RIMS2: variants seen among roughly 807,000 people sequenced by gnomAD.
RIMS2 encodes regulating synaptic membrane exocytosis 2.
A neutral mutation model predicts 174.4 loss-of-function variants in RIMS2; 59 were observed. That is an observed-to-expected ratio of 0.34 (90% CI 0.27 to 0.42). The LOEUF is 0.42. RIMS2 is among the 10% of genes least tolerant of loss of function. RIMS2 has a pLI of 1.00. For missense variants in RIMS2, 1,620 were observed against 1,666.3 expected, an observed-to-expected ratio of 0.97 and a Z score of 0.48; for synonymous variants, 606 against 572.5, an observed-to-expected ratio of 1.06 and a Z score of -0.84.
chr8:104,207,647 A>AAC (rs2099086693), intron 19 of RIMS2, among the ~76,000 whole-genome samples: 1 of 151,596 alleles, frequency 6.6e-6, no homozygotes, highest in Non-Finnish European at 1.5e-5. Context: ...CTCTACTAAA[A>AAC]ACACACACAC....
intron 17 of RIMS2, among the ~76,000 whole-genome samples, chr8:103,999,847 G>T (rs2095307050): frequency 6.6e-6 from 1 of 151,556 alleles, no homozygotes; most frequent in South Asian, 2.1e-4. Flanking sequence ...CTCAACTTCG[G>T]CCTAATTGGC....
chr8:103,778,037 T>C (rs367859486), intron 3 of RIMS2, among the ~76,000 whole-genome samples: 2 of 151,992 alleles, frequency 1.3e-5, no homozygotes, highest in East Asian at 3.8e-4. Flanking sequence ...TTGCTATGAC[T>C]TTGACATTTT....
chr8:103,693,726 G>A (rs555944253), intron 1 of RIMS2, among the ~76,000 whole-genome samples: 1 of 152,280 alleles, frequency 6.6e-6, no homozygotes, highest in Admixed American at 6.5e-5. Context: ...CAGCAGGTGT[G>A]TGTCCCTGGC....
intron 1 of RIMS2, among the ~76,000 whole-genome samples, chr8:103,600,595 G>A (rs1247200416): frequency 6.6e-6 from 1 of 152,146 alleles, no homozygotes; most frequent in Admixed American, 6.5e-5. Flanking sequence ...CCATTCATCT[G>A]TTGATGGATG....
intron 1 of RIMS2, among the ~76,000 whole-genome samples, chr8:103,674,530 C>G (rs1441554452): frequency 2.0e-5 from 3 of 151,472 alleles, no homozygotes; most frequent in Non-Finnish European, 2.9e-5. Context: ...TTTGAAGCAA[C>G]CTTTAAGTAA....
At chr8:103,909,236 T>C (rs929274502) in intron 4 of RIMS2, among the ~76,000 whole-genome samples, 3 of 152,092 alleles carry the variant, frequency 2.0e-5, no homozygotes, top group Admixed American at 2.0e-4. Flanking sequence ...TGGAAGGTGT[T>C]CAGTATTTTT....
intron 19 of RIMS2, among the ~76,000 whole-genome samples, chr8:104,092,857 T>C (rs566660873): frequency 1.3e-5 from 2 of 152,092 alleles, no homozygotes; most frequent in African/African-American, 4.8e-5. Flanking sequence ...TACCAGAATA[T>C]TTGAACACCC....
chr8:104,027,594 A>T (rs1244301309), intron 19 of RIMS2, among the ~76,000 whole-genome samples: 1 of 152,186 alleles, frequency 6.6e-6, no homozygotes, highest in Non-Finnish European at 1.5e-5. Flanking sequence ...GAAAGAGTGT[A>T]GTTCTTGAAA....
At chr8:103,985,045 T>A (rs1221268442) in intron 16 of RIMS2, among the ~76,000 whole-genome samples, 9 of 152,104 alleles carry the variant, frequency 5.9e-5, no homozygotes, top group Non-Finnish European at 1.2e-4. Context: ...CTGGGATGGG[T>A]CGCAGTGGGT....
chr8:103,787,492 G>T (rs1174102626), intron 3 of RIMS2, among the ~76,000 whole-genome samples: 1 of 151,064 alleles, frequency 6.6e-6, no homozygotes, highest in African/African-American at 2.4e-5. Context: ...CTCAGCATTT[G>T]CTTGTCTGTA....
chr8:103,651,241 C>T (rs1386537478), intron 1 of RIMS2, among the ~76,000 whole-genome samples: 20 of 152,238 alleles, frequency 1.3e-4, no homozygotes, highest in Admixed American at 1.3e-3. Flanking sequence ...GGCTATCGCC[C>T]TACCCTGCTT....
intron 1 of RIMS2, among the ~76,000 whole-genome samples, chr8:103,533,661 C>CAAAAAA (rs34355378): frequency 7.5e-4 from 48 of 64,342 alleles, no homozygotes; most frequent in East Asian, 2.2e-3. Flanking sequence ...GACCCTGTCT[C>CAAAAAA]AAAAAAAAAA....
intron 19 of RIMS2, among the ~76,000 whole-genome samples, chr8:104,141,857 T>C (rs1172949983): frequency 6.6e-6 from 1 of 152,198 alleles, no homozygotes; most frequent in East Asian, 1.9e-4. Flanking sequence ...TTGACAACCT[T>C]ATTTAATGTT....
chr8:103,705,787 T>C (rs2097217780), intron 2 of RIMS2, among the ~76,000 whole-genome samples: 1 of 152,042 alleles, frequency 6.6e-6, no homozygotes, highest in Non-Finnish European at 1.5e-5. Flanking sequence ...TCCATGCATG[T>C]ATGTCTTTAA....
chr8:103,608,520 C>G (rs1234084235), intron 1 of RIMS2, among the ~76,000 whole-genome samples: 2 of 143,316 alleles, frequency 1.4e-5, no homozygotes, highest in African/African-American at 5.4e-5. Context: ...TGGGCTCCAC[C>G]CAGTTCGAGC....
At chr8:103,633,765 T>A (rs1589421089) in intron 1 of RIMS2, among the ~76,000 whole-genome samples, 1 of 152,142 alleles carries the variant, frequency 6.6e-6, no homozygotes, top group African/African-American at 2.4e-5. Context: ...CTTGGAAGGG[T>A]GTATGTGTCC....
intron 1 of RIMS2, among the ~76,000 whole-genome samples, chr8:103,523,207 A>T (rs1487292596): frequency 6.6e-6 from 1 of 151,924 alleles, no homozygotes; most frequent in Non-Finnish European, 1.5e-5. Context: ...TACATAGAGG[A>T]TGTCTTGAGT....
At chr8:103,757,872 C>T (rs1331915027) in intron 2 of RIMS2, among the ~76,000 whole-genome samples, 2 of 152,202 alleles carry the variant, frequency 1.3e-5, no homozygotes, top group South Asian at 2.1e-4. Context: ...TGATGATACT[C>T]ACCAGAAGCT....
At chr8:104,150,551 A>T (rs891531192) in intron 19 of RIMS2, among the ~76,000 whole-genome samples, 6 of 152,168 alleles carry the variant, frequency 3.9e-5, no homozygotes, top group Non-Finnish European at 7.4e-5. Context: ...GCCTCATCAG[A>T]GGTGTCATCT....
Sources: allele counts gnomAD v4.1 joint callset (sites outside exome capture counted in the v4.1 genomes callset), GRCh38; gene constraint gnomAD v4.1.1; transcripts MANE v1.5; gene names NCBI Gene and HGNC (gene_info 2026-07-23, HGNC 2026-07-21).